Variants in RP1 observed in about 807,000 individuals in gnomAD.
RP1 encodes the protein RP1 axonemal microtubule associated.
Under a neutral mutation model 14.8 loss-of-function variants are expected in RP1, and 16 were observed. The observed-to-expected ratio is 1.08, with a 90% CI of 0.73 to 1.65. RP1 has a LOEUF of 1.65. RP1 is among the 40% of genes most tolerant of loss of function. The pLI is 0.00. For missense variants in RP1, 2,631 were observed against 2,535.0 expected, an observed-to-expected ratio of 1.04 and a Z score of -0.81; for synonymous variants, 876 against 883.6, an observed-to-expected ratio of 0.99 and a Z score of 0.15.
At chr8:54,651,215 T>A (rs1441756396) in intron 4 of RP1, among the ~76,000 whole-genome samples, 1 of 152,202 alleles carries the variant, frequency 6.6e-6, no homozygotes, top group Non-Finnish European at 1.5e-5. Flanking sequence ...GTTGAAGATG[T>A]TTGCATCTTT....
intron 24 of RP1, among the ~76,000 whole-genome samples, chr8:54,824,243 G>T (rs1242628498): frequency 1.3e-5 from 2 of 151,938 alleles, no homozygotes; most frequent in Non-Finnish European, 2.9e-5. Context: ...TATAGATATT[G>T]CAGACGTTGA....
At chr8:54,771,557 C>T (rs1400904047), downstream of RP1, among the ~76,000 whole-genome samples, 1 of 151,828 alleles carries the variant, frequency 6.6e-6, no homozygotes, top group Non-Finnish European at 1.5e-5. Context: ...AAAATGCTTC[C>T]TTCTAATTAA....
intron 24 of RP1, among the ~76,000 whole-genome samples, chr8:54,798,657 T>C (rs1810629847): frequency 6.6e-6 from 1 of 152,208 alleles, no homozygotes; most frequent in Non-Finnish European, 1.5e-5. Flanking sequence ...GGCATTAGTG[T>C]TCTTATTGCA....
At chr8:54,617,375 A>G (rs1805744556) in intron 1 of RP1, among the ~76,000 whole-genome samples, 1 of 152,240 alleles carries the variant, frequency 6.6e-6, no homozygotes, top group South Asian at 2.1e-4. Flanking sequence ...GTATGTAAAG[A>G]TACATTGCTA....
chr8:54,663,850 A>G, exon 7 of RP1: 5 of 1,519,400 alleles, frequency 3.3e-6, no homozygotes, highest in Non-Finnish European at 3.5e-6. Context: ...TAAGAGGACA[A>G]GTAAGCAAAA....
chr8:54,788,557 C>T (rs1015160773), intron 24 of RP1, among the ~76,000 whole-genome samples: 2 of 152,110 alleles, frequency 1.3e-5, no homozygotes, highest in African/African-American at 2.4e-5. Context: ...AGTGGCAGCA[C>T]TAAGCAGTTC....
upstream of RP1, among the ~76,000 whole-genome samples, chr8:54,614,085 C>T (rs72650321): frequency 5.1e-3 from 779 of 152,346 alleles, 3 homozygotes; most frequent in Middle Eastern, 0.02. Context: ...AAAGCAGGTA[C>T]TTTTCCACAT....
intron 23 of RP1, chr8:54,783,509 C>A (rs1563375274): frequency 1.8e-6 from 2 of 1,087,406 alleles, no homozygotes; most frequent in Admixed American, 4.3e-5. Flanking sequence ...TGTGTTTTTC[C>A]CCTATACTTT....
downstream of RP1, among the ~76,000 whole-genome samples, chr8:54,633,160 C>T (rs972491657): frequency 3.3e-5 from 5 of 151,952 alleles, no homozygotes; most frequent in African/African-American, 1.2e-4. Context: ...ATATTAAACC[C>T]GGAAGAAGCA....
rs527953627 is a variant in RP1, at chr8:54,697,610, C to G, written c.1718-1857C>G. Among the ~76,000 whole-genome samples the G allele has an allele frequency of 4.6e-5, 7 of 152,158 alleles. No individual in the cohort carries two copies. In the East Asian group the frequency reaches 9.7e-4, roughly 21 times the overall value. On this transcript the variant is annotated intron_variant, in intron 12 of 22. Coordinates refer to the RP1 transcript ENST00000636932. ...TGTTCATGGCAAGCACCTCTCATCACAGTCCAGTTCCAAGGAAAAAATTCC... is the reference window on the plus strand; with the variant it reads ...TGTTCATGGCAAGCACCTCTCATCAGAGTCCAGTTCCAAGGAAAAAATTCC...
chr8:54,828,022 C>T (rs1281029698), intron 24 of RP1, among the ~76,000 whole-genome samples: 4 of 152,138 alleles, frequency 2.6e-5, no homozygotes, highest in Admixed American at 2.0e-4. Context: ...CATCTTTCAC[C>T]TCTGTATCTT....
intron 1 of RP1, among the ~76,000 whole-genome samples, chr8:54,565,397 T>C (rs1804380863): frequency 6.6e-6 from 1 of 152,114 alleles, no homozygotes; most frequent in African/African-American, 2.4e-5. Flanking sequence ...AAACTCCGCC[T>C]CTACTAAAAA....
chr8:54,862,037 T>C (rs1812353908), intron 27 of RP1, among the ~76,000 whole-genome samples: 2 of 152,136 alleles, frequency 1.3e-5, no homozygotes, highest in East Asian at 1.9e-4. Context: ...TAGGTGTTAC[T>C]ACCAGCACAT....
At chr8:54,650,999 A>T (rs1806645249) in intron 4 of RP1, among the ~76,000 whole-genome samples, 1 of 151,030 alleles carries the variant, frequency 6.6e-6, no homozygotes, top group South Asian at 2.1e-4. Flanking sequence ...AGGGCATTTG[A>T]TTTTGTCAAA....
rs1182083989 is a variant in RP1 at position 54,641,820 on chromosome 8, T to C, written c.788-7165T>C. On this transcript the variant is annotated intron_variant, in intron 3 of 22. Coordinates refer to the RP1 transcript ENST00000636932. ...TCTGATTTAGCTCTCCTAAAGGCCATGTGAGGAATGTATTATTTCTGTTTT... is the reference window on the plus strand; with the variant it reads ...TCTGATTTAGCTCTCCTAAAGGCCACGTGAGGAATGTATTATTTCTGTTTT... 2.6e-5 allele frequency among the ~76,000 whole-genome samples: 4 copies of C among 152,318 alleles called. No individual in the cohort carries two copies. The East Asian group carries it at 5.8e-4, about 22-fold the overall frequency.
At chr8:54,741,597 C>A (rs1809086768) in intron 19 of RP1, among the ~76,000 whole-genome samples, 1 of 150,440 alleles carries the variant, frequency 6.6e-6, no homozygotes. Flanking sequence ...AATTGCCTAA[C>A]AATGCATTTC....
intron 14 of RP1, chr8:54,701,721 A>G (rs887406627): frequency 4.5e-5 from 65 of 1,460,200 alleles, no homozygotes; most frequent in Non-Finnish European, 5.4e-5. Flanking sequence ...CTTTTGCCCT[A>G]TTGAGCAAAA....
At chr8:54,674,746 G>A (rs1194898721) in intron 8 of RP1, among the ~76,000 whole-genome samples, 1 of 151,954 alleles carries the variant, frequency 6.6e-6, no homozygotes, top group Non-Finnish European at 1.5e-5. Flanking sequence ...AAAAAATTAT[G>A]AGTAAGATTA....
intron 1 of RP1, among the ~76,000 whole-genome samples, chr8:54,585,699 T>C (rs1804904799): frequency 6.6e-6 from 1 of 152,230 alleles, no homozygotes; most frequent in South Asian, 2.1e-4. Flanking sequence ...TTTATTTCTT[T>C]TTATTCTTTT....
Sources: gnomAD v4.1 joint callset for allele counts (sites outside exome capture counted in the v4.1 genomes callset) on GRCh38, gnomAD v4.1.1 for gene constraint, MANE v1.5 for transcripts, NCBI Gene and HGNC (gene_info 2026-07-23, HGNC 2026-07-21) for gene names.